YEATS2: variants seen among roughly 807,000 people sequenced by gnomAD.
YEATS2 encodes the protein YEATS domain containing 2.
A neutral mutation model predicts 163.2 loss-of-function variants in YEATS2; 77 were observed. The observed-to-expected ratio is 0.47, with a 90% confidence interval of 0.39 to 0.57. YEATS2 has a LOEUF of 0.57. Ranked by LOEUF, YEATS2 falls within the 20% of genes least tolerant of loss-of-function variation. YEATS2 has a pLI of 0.00. For missense variants in YEATS2, 1,549 were observed against 1,729.8 expected (o/e 0.90, Z 1.85); for synonymous variants, 631 against 645.1 (o/e 0.98, Z 0.33).
chr3:183,699,801 G>A (rs1310816598), intron 1 of YEATS2, among the ~76,000 whole-genome samples: 1 of 152,142 alleles, frequency 6.6e-6, no homozygotes, highest in Non-Finnish European at 1.5e-5. Context: ...TGTTGAATTG[G>A]TCCTTTTATC....
chr3:183,800,646 TTG>T (rs916329207), intron 24 of YEATS2, 78 bp downstream of exon 24: 57 of 1,207,826 alleles, frequency 4.7e-5, no homozygotes, highest in East Asian at 9.5e-5. Context: ...ATGTGCAGAG[TTG>T]TGTGTGTGTA....
Position 183,775,958 on chromosome 3 carries a change from AGG to A in YEATS2, c.2413_2414del (p.Gly805ArgfsTer122). ...CTGCCAGTGGTGGGAGTGGTGCCGG[AGG>A]AGGAGGAGGAGGAGGAGGAGGAGGC... ...SAASGGSGAG[G>X]GGGGGGGGGS... On this transcript the variant is annotated frameshift_variant, in exon 18 of 31. Transcript: ENST00000305135. LOFTEE classifies it high-confidence loss of function. 1 of 412,680 alleles carries A rather than the reference AGG, an allele frequency of 2.4e-6. No individual in the cohort carries two copies. The highest frequency in any genetic ancestry group is 3.3e-6 in the Non-Finnish European group (1 of 306,946). 25.6% of individuals were successfully genotyped at this position (412,680 alleles called of 1,614,324 possible). A position where few individuals can be genotyped will look rare whatever the true frequency, so the allele number is the denominator to read the frequency against.
chr3:183,762,633 T>A (rs560226693), intron 15 of YEATS2, among the ~76,000 whole-genome samples: 107 of 152,340 alleles, frequency 7.0e-4, no homozygotes, highest in Non-Finnish European at 1.2e-3. Context: ...AGGAGAATGC[T>A]GTAGTTTATA....
In YEATS2 at chr3:183,775,924, C is replaced by G. The variant is rs1305758136; in HGVS notation, c.2378C>G (p.Ser793Cys). ...TTCATTGTATTTTTAGATCTCCAGT[C>G]TGGCTCAGCTGCCAGTGGTGGGAGT... ...LRATNNANLQ[S>C]GSAASGGSGA... is the part of the protein sequence containing the mutation. Residue 793 changes from serine (S) to cysteine (C), a missense_variant, in exon 18 of 31, where the codon TCT (serine) becomes TGT (cysteine). By Grantham distance (112) the Ser-to-Cys change is moderately radical. Coordinates refer to ENST00000305135, the MANE Select transcript of YEATS2 (RefSeq NM_018023.5). 1.2e-6 allele frequency: 2 copies of G among 1,612,210 alleles called. No individual in the cohort carries two copies. Among genetic ancestry groups the G allele is most frequent in the South Asian group, 1.1e-5 (1 of 91,004 alleles).
At chr3:183,807,249 C>G in intron 28 of YEATS2, 157 bp downstream of exon 28, 1 of 676,138 alleles carries the variant, frequency 1.5e-6, no homozygotes, top group South Asian at 1.9e-5. Context: ...CTTCCTTCTG[C>G]CTGGTTGACC....
At chr3:183,809,500 A>G (rs1726574492) in intron 30 of YEATS2, 1 of 193,396 alleles carries the variant, frequency 5.2e-6, no homozygotes, top group Admixed American at 5.9e-5. Flanking sequence ...ACGAGGGCCA[A>G]GCGTTGCATA....
rs1560277775 is a variant in YEATS2 at position 183,756,621 on chromosome 3, TTAA to T, written c.1489_1491del (p.Asn497del). The T allele has an allele frequency of 6.2e-7, 1 of 1,605,870 alleles. No homozygotes were observed. The highest frequency in any genetic ancestry group is 8.5e-7 in the Non-Finnish European group (1 of 1,176,322). On this transcript the variant is annotated inframe_deletion, in exon 12 of 31. Transcript: ENST00000305135. ...AAGCAAGGCACTGCCGGCTCTGTTA[TTAA>T]TAATCCTTATGTTATCATGGACAAG...
intron 6 of YEATS2, among the ~76,000 whole-genome samples, chr3:183,726,118 A>G (rs1717070823): frequency 1.3e-5 from 2 of 151,854 alleles, no homozygotes; most frequent in Non-Finnish European, 1.5e-5. Context: ...TCAAAAGTGA[A>G]CCAAGGTCCA....
chr3:183,747,709 C>G lies in YEATS2; in HGVS notation c.962C>G (p.Ala321Gly). 6.2e-7 allele frequency: 1 copy of G among 1,612,700 alleles called. No individual in the cohort carries two copies. Residue 321 changes from alanine (A) to glycine (G), a missense_variant, in exon 9 of 31, where the codon GCA becomes GGA. Transcript: ENST00000305135. ...TATACTGGCTTGCAGACTCTTGGAG[C>G]AGAGACGGTAGGTTTTTTTCCTACA... ...RTYTGLQTLG[A>G]ETVVDVELHR...
intron 15 of YEATS2, 147 bp from the exon 16 acceptor site, chr3:183,772,158 G>T (rs1424242474): frequency 4.0e-6 from 4 of 1,012,306 alleles, no homozygotes; most frequent in East Asian, 2.5e-5. Flanking sequence ...TACAGTTGCC[G>T]TTCACACCTG....
intron 15 of YEATS2, among the ~76,000 whole-genome samples, chr3:183,764,843 G>T (rs1448177515): frequency 2.0e-5 from 3 of 152,076 alleles, no homozygotes; most frequent in Non-Finnish European, 2.9e-5. Context: ...GTTATCGGTG[G>T]TTCTAAAATC....
At chr3:183,756,488 ATG>A in intron 11 of YEATS2, 38 bp from the exon 12 acceptor site, 1 of 1,498,204 alleles carries the variant, frequency 6.7e-7, no homozygotes, top group African/African-American at 1.4e-5. Flanking sequence ...TGAGTTGAAT[ATG>A]TGTATTTTGT....
At chr3:183,803,039 A>C (rs1368808781) in intron 25 of YEATS2, 2 of 561,282 alleles carry the variant, frequency 3.6e-6, no homozygotes, top group Non-Finnish European at 6.4e-6. Flanking sequence ...AAAGAAGCAA[A>C]GTGCCCAGGA....
At chr3:183,792,557 G>A (rs1263674557) in intron 21 of YEATS2, among the ~76,000 whole-genome samples, 4 of 151,994 alleles carry the variant, frequency 2.6e-5, no homozygotes, top group East Asian at 1.9e-4. Flanking sequence ...TTGCCCTGTC[G>A]CCCACGCTGG....
chr3:183,804,161 G>C lies in YEATS2; in HGVS notation c.3757G>C (p.Val1253Leu). The change falls in exon 27 of 31, where the codon GTG (valine) becomes CTG (leucine). Residue 1253 changes from valine (V) to leucine (L), a missense_variant. Transcript: ENST00000305135. ...LRNDGDSIED[V>L]LTQIDSEPEC... is the part of the protein sequence containing the mutation. ...GAATGACGGGGACTCCATCGAGGAC[G>C]TGCTGACCCAGATCGACAGCGAGCC... is the stretch of plus-strand genomic sequence containing the variant. The C allele has an allele frequency of 5.6e-6, 9 of 1,614,158 alleles. No homozygotes were observed. The highest frequency in any genetic ancestry group is 6.8e-6 in the Non-Finnish European group (8 of 1,180,022).
At chr3:183,775,820 T>C in intron 17 of YEATS2, 95 bp from the exon 18 acceptor site, 1 of 1,578,538 alleles carries the variant, frequency 6.3e-7, no homozygotes, top group African/African-American at 1.3e-5. Flanking sequence ...GGAATGGCAC[T>C]AAAAGGGAAA....
At chr3:183,731,297 CAAAAAAAAAAA>C (rs63002261) in intron 7 of YEATS2, among the ~76,000 whole-genome samples, 1 of 122,890 alleles carries the variant, frequency 8.1e-6, no homozygotes, top group Non-Finnish European at 1.7e-5. Flanking sequence ...GAGTCTGTCT[CAAAAAAAAAAA>C]AAAAAAAAGC....
At position 183,804,275 on chromosome 3, in the gene YEATS2, C is replaced by T; in HGVS notation, c.3784+87C>T. ...GAGAGATGAGGACTTGGAAGAGTTGCTGTAGAGAACGAGAGCCTTTCCTAC... is the reference window on the plus strand; with the variant it reads ...GAGAGATGAGGACTTGGAAGAGTTGTTGTAGAGAACGAGAGCCTTTCCTAC... On this transcript the variant is annotated intron_variant, in intron 27 of 30. Transcript: ENST00000305135. 5.3e-6 allele frequency: 8 copies of T among 1,508,550 alleles called. No individual in the cohort carries two copies. The South Asian group carries it at 9.8e-5, about 18-fold the overall frequency. The allele number at this position is 1,508,550 out of a possible 1,614,324, so 93.4% of individuals were successfully genotyped here. A position where few individuals can be genotyped will look rare whatever the true frequency, so the allele number is the denominator to read the frequency against.
intron 2 of YEATS2, among the ~76,000 whole-genome samples, chr3:183,716,021 G>T (rs150346897): frequency 2.6e-4 from 39 of 151,920 alleles, no homozygotes; most frequent in Non-Finnish European, 5.1e-4. Context: ...GTGCAGTGGC[G>T]TGATCTCGGC....
Sources: allele counts gnomAD v4.1 joint callset (sites outside exome capture counted in the v4.1 genomes callset), GRCh38; gene constraint gnomAD v4.1.1; transcripts MANE v1.5; gene names NCBI Gene and HGNC (gene_info 2026-07-23, HGNC 2026-07-21).